Variants in TMEM200A observed in about 807,000 individuals in gnomAD.
The protein encoded by TMEM200A is two transmembrane C.
A neutral mutation model predicts 24.3 loss-of-function variants in TMEM200A; 12 were observed. The ratio of observed to expected loss-of-function variants is 0.49; its 90% CI spans 0.32 to 0.80. TMEM200A has a LOEUF of 0.80. Among genes scored for constraint, TMEM200A ranks in the 30% least tolerant of loss-of-function variants. The pLI is 0.04. For missense variants in TMEM200A, 545 were observed against 614.4 expected (o/e 0.89, Z 1.19); for synonymous variants, 224 against 224.4 (o/e 1.00, Z 0.02).
At chr6:130,365,991 T>C (rs927282687), upstream of TMEM200A, 1 of 985,486 alleles carries the variant, frequency 1.0e-6, no homozygotes. Context: ...CGGGGCTTTA[T>C]GGCGTGAGGT....
intron 2 of TMEM200A, among the ~76,000 whole-genome samples, chr6:130,439,901 A>C (rs1780111235): frequency 6.6e-6 from 1 of 152,140 alleles, no homozygotes; most frequent in South Asian, 2.1e-4. Context: ...AGGTCTTAGA[A>C]CCATGAATTG....
In TMEM200A at chr6:130,393,603, G is replaced by C. The variant is rs573367479; in HGVS notation, c.-17+8367G>C. 2.6e-5 allele frequency among the ~76,000 whole-genome samples: 4 copies of C among 152,312 alleles called. No individual in the cohort carries two copies. The East Asian group carries it at 7.7e-4, about 29-fold the overall frequency. ...TCACGTTGCTTCAGCCGCCAATGGTGATAGTGTTTTGTCATTTTCTGTGTA... is the reference window on the plus strand; with the variant it reads ...TCACGTTGCTTCAGCCGCCAATGGTCATAGTGTTTTGTCATTTTCTGTGTA... On this transcript the variant is annotated intron_variant, in intron 2 of 2. Coordinates refer to ENST00000296978, the MANE Select transcript of TMEM200A (RefSeq NM_001258277.2).
At chr6:130,368,454 A>C (rs1467587248) in intron 1 of TMEM200A, among the ~76,000 whole-genome samples, 1 of 152,204 alleles carries the variant, frequency 6.6e-6, no homozygotes, top group Non-Finnish European at 1.5e-5. Flanking sequence ...AATTTAAAAG[A>C]GGAAAAATAA....
chr6:130,370,204 A>G (rs1778286512), intron 1 of TMEM200A, among the ~76,000 whole-genome samples: 2 of 152,210 alleles, frequency 1.3e-5, no homozygotes, highest in Non-Finnish European at 2.9e-5. Flanking sequence ...TTCTAAACCT[A>G]CATTCCTGGG....
At chr6:130,385,825 C>T (rs1778700313) in intron 2 of TMEM200A, among the ~76,000 whole-genome samples, 1 of 152,106 alleles carries the variant, frequency 6.6e-6, no homozygotes, top group African/African-American at 2.4e-5. Flanking sequence ...AAATAATTTG[C>T]AGATGAATTT....
At chr6:130,398,188 A>G (rs1778997344) in intron 2 of TMEM200A, among the ~76,000 whole-genome samples, 1 of 152,008 alleles carries the variant, frequency 6.6e-6, no homozygotes, top group Non-Finnish European at 1.5e-5. Context: ...TGTGTATTCA[A>G]TGTTTAGCTC....
At chr6:130,410,524 G>A (rs746106275) in intron 2 of TMEM200A, among the ~76,000 whole-genome samples, 4 of 152,138 alleles carry the variant, frequency 2.6e-5, no homozygotes, top group Non-Finnish European at 4.4e-5. Context: ...CTCTGAAATT[G>A]TCCAGTAGTG....
At chr6:130,401,426 T>TTTCTCTCTTTCCTTCC (rs1374387526) in intron 2 of TMEM200A, among the ~76,000 whole-genome samples, 4 of 149,946 alleles carry the variant, frequency 2.7e-5, no homozygotes, top group East Asian at 3.9e-4. Flanking sequence ...TCTTTCTTTC[T>TTTCTCTCTTTCCTTCC]TTCTCTCTTT....
chr6:130,428,638 C>T (rs750744588), intron 2 of TMEM200A, among the ~76,000 whole-genome samples: 6 of 152,250 alleles, frequency 3.9e-5, no homozygotes, highest in Admixed American at 1.3e-4. Flanking sequence ...AATTCAGGAG[C>T]GAAGCCAGGA....
intron 1 of TMEM200A, among the ~76,000 whole-genome samples, chr6:130,370,313 A>G (rs1778289874): frequency 6.6e-6 from 1 of 152,058 alleles, no homozygotes; most frequent in Non-Finnish European, 1.5e-5. Context: ...TGGTAATTGA[A>G]TTGGTCTCTG....
chr6:130,379,139 G>C (rs1443631849), intron 1 of TMEM200A, among the ~76,000 whole-genome samples: 1 of 152,202 alleles, frequency 6.6e-6, no homozygotes, highest in African/African-American at 2.4e-5. Context: ...TTGAATTGGG[G>C]ATTAAGTTTT....
At chr6:130,434,330 C>T (rs149757524) in intron 2 of TMEM200A, among the ~76,000 whole-genome samples, 85 of 152,294 alleles carry the variant, frequency 5.6e-4, no homozygotes, top group African/African-American at 2.0e-3. Context: ...TCTGCTAATT[C>T]AGTGTTTGAT....
intron 2 of TMEM200A, among the ~76,000 whole-genome samples, chr6:130,420,629 T>C (rs1244664753): frequency 6.6e-6 from 1 of 152,116 alleles, no homozygotes; most frequent in Non-Finnish European, 1.5e-5. Flanking sequence ...TCATCTTAAA[T>C]ATATTATTCT....
At chr6:130,421,541 C>T (rs886664085) in intron 2 of TMEM200A, among the ~76,000 whole-genome samples, 3 of 108,374 alleles carry the variant, frequency 2.8e-5, no homozygotes, top group African/African-American at 7.6e-5. Flanking sequence ...TGTGTGCATG[C>T]GTACATGTTA....
intron 2 of TMEM200A, among the ~76,000 whole-genome samples, chr6:130,425,190 A>G (rs1190374563): frequency 6.6e-6 from 1 of 152,186 alleles, no homozygotes; most frequent in African/African-American, 2.4e-5. Context: ...CTCAGCAAGT[A>G]TCTATTGAAT....
At chr6:130,437,350 A>T (rs907129865) in intron 2 of TMEM200A, 2 of 152,128 alleles carry the variant, frequency 1.3e-5, no homozygotes, top group African/African-American at 4.8e-5. Context: ...TCTCTAATGG[A>T]AACTTTCATT....
intron 2 of TMEM200A, among the ~76,000 whole-genome samples, chr6:130,401,255 A>T (rs1779075375): frequency 6.6e-6 from 1 of 151,982 alleles, no homozygotes; most frequent in Non-Finnish European, 1.5e-5. Context: ...TTTTCACAGC[A>T]GTAAATTATT....
intron 2 of TMEM200A, among the ~76,000 whole-genome samples, chr6:130,387,629 A>T (rs1451055829): frequency 6.6e-6 from 1 of 152,208 alleles, no homozygotes; most frequent in East Asian, 1.9e-4. Flanking sequence ...GAATGCAATC[A>T]TGTGGACTTG....
chr6:130,426,709 C>G (rs1779753472), intron 2 of TMEM200A, among the ~76,000 whole-genome samples: 1 of 152,132 alleles, frequency 6.6e-6, no homozygotes, highest in African/African-American at 2.4e-5. Context: ...AGCCATGTCC[C>G]TTTTGGAGCC....
Sources: allele counts gnomAD v4.1 joint callset (sites outside exome capture counted in the v4.1 genomes callset), GRCh38; gene constraint gnomAD v4.1.1; transcripts MANE v1.5; gene names NCBI Gene and HGNC (gene_info 2026-07-23, HGNC 2026-07-21).